COG6: variants seen among roughly 807,000 people sequenced by gnomAD.
COG6 encodes conserved oligomeric Golgi complex subunit 6.
Under a neutral mutation model 88.8 loss-of-function variants are expected in COG6, and 74 were observed. The observed-to-expected ratio is 0.83, with a 90% CI of 0.69 to 1.01. COG6 has a LOEUF of 1.01. Among genes scored for constraint, COG6 ranks in the 50% least tolerant of loss-of-function variants. The probability of loss-of-function intolerance (pLI) is 0.00; values close to 1 mark genes in which losing one functional copy is unlikely to be tolerated. For missense variants in COG6, 800 were observed against 797.9 expected, an observed-to-expected ratio of 1.00 and a Z score of -0.03; for synonymous variants, 286 against 278.7, an observed-to-expected ratio of 1.03 and a Z score of -0.26.
At chr13:39,781,026 C>T (rs1881611768) in intron 18 of COG6, among the ~76,000 whole-genome samples, 1 of 152,126 alleles carries the variant, frequency 6.6e-6, no homozygotes, top group African/African-American at 2.4e-5. Context: ...GTTATATCAA[C>T]GGTTCTGAAT....
chr13:39,655,769 G>A lies in COG6; in HGVS notation c.43G>A (p.Gly15Arg). 1.3e-6 allele frequency: 2 copies of A among 1,593,994 alleles called. No individual in the cohort carries two copies. Among genetic ancestry groups the A allele is most frequent in the South Asian group, 2.3e-5 (2 of 88,502 alleles). The change falls in exon 1 of 19, where the codon GGG (glycine) becomes AGG (arginine). Residue 15 changes from glycine (G) to arginine (R), a missense_variant. Gly to Arg is a moderately radical substitution (Grantham distance 125, BLOSUM62 -2). Coordinates refer to ENST00000455146, the MANE Select transcript of COG6 (RefSeq NM_020751.3). ...SGEVVAVSAT[G>R]AANGLNNGAG... Reference sequence around the variant, plus strand: ...GGAAGTGGTCGCAGTGTCTGCGACCGGGGCTGCCAACGGCCTCAACAATGG... The same window carrying A: ...GGAAGTGGTCGCAGTGTCTGCGACCAGGGCTGCCAACGGCCTCAACAATGG...
Position 39,742,363 on chromosome 13 carries a change from CACAT to C in COG6, c.1827-8582_1827-8579del. 3.3e-5 allele frequency among the ~76,000 whole-genome samples: 5 copies of C among 152,258 alleles called. 1 individual carries two copies. In the South Asian group the frequency reaches 1.0e-3, roughly 32 times the overall value. ...TGTGCTGTATTCAGGAGACCCATCT[CACAT>C]GCAGAGACACACATAGGCTCAAAAT... On this transcript the variant is annotated intron_variant, in intron 18 of 18. Transcript: ENST00000455146.
At chr13:39,785,595 T>G (rs1881748926) in intron 18 of COG6, 1 of 152,194 alleles carries the variant, frequency 6.6e-6, no homozygotes, top group African/African-American at 2.4e-5. Flanking sequence ...ATTCATCCTT[T>G]AAATTGTTAA....
chr13:39,754,449 T>G (rs1218276877), downstream of COG6, among the ~76,000 whole-genome samples: 1 of 152,182 alleles, frequency 6.6e-6, no homozygotes, highest in Non-Finnish European at 1.5e-5. Flanking sequence ...TAATACAATT[T>G]AAGATTATGG....
chr13:39,741,464 C>T lies in COG6; in HGVS notation c.1827-9482C>T, dbSNP rs911860219. 3.3e-5 allele frequency among the ~76,000 whole-genome samples: 5 copies of T among 152,118 alleles called. No individual in the cohort carries two copies. The East Asian group carries it at 9.7e-4, about 29-fold the overall frequency. On this transcript the variant is annotated intron_variant, in intron 18 of 18. Transcript: ENST00000455146. ...GCACGAGAACTATGTGACGCATGCA[C>T]AAGCTTCAATAGTCGATTTGATCAA...
chr13:39,691,311 T>C (rs1387459536), intron 11 of COG6, among the ~76,000 whole-genome samples: 1 of 151,962 alleles, frequency 6.6e-6, no homozygotes, highest in Non-Finnish European at 1.5e-5. Flanking sequence ...TGCCTTTGTT[T>C]TAAAATGTAC....
At chr13:39,748,239 G>A (rs1177969833) in intron 18 of COG6, among the ~76,000 whole-genome samples, 1 of 152,118 alleles carries the variant, frequency 6.6e-6, no homozygotes, top group African/African-American at 2.4e-5. Flanking sequence ...AGTTTTTAAT[G>A]AAAAATAATT....
At chr13:39,771,747 A>C (rs1247611809) in intron 18 of COG6, among the ~76,000 whole-genome samples, 1 of 152,246 alleles carries the variant, frequency 6.6e-6, no homozygotes. Context: ...ACTGAAAAGC[A>C]CATATGATCT....
chr13:39,777,874 T>A (rs1881511322), intron 18 of COG6, among the ~76,000 whole-genome samples: 1 of 152,170 alleles, frequency 6.6e-6, no homozygotes. Flanking sequence ...AGTCTAACAG[T>A]TTCTGGGAAG....
chr13:39,695,152 A>G (rs1315401583), intron 12 of COG6, among the ~76,000 whole-genome samples: 4 of 151,706 alleles, frequency 2.6e-5, no homozygotes, highest in Non-Finnish European at 5.9e-5. Flanking sequence ...CCATGTACTC[A>G]CAATAGGGCA....
At chr13:39,760,153 G>A (rs1390531189) in intron 18 of COG6, among the ~76,000 whole-genome samples, 1 of 152,088 alleles carries the variant, frequency 6.6e-6, no homozygotes, top group African/African-American at 2.4e-5. Context: ...ATCAAAAATT[G>A]GTCTCCTGTT....
chr13:39,738,331 G>T (rs990368416), intron 18 of COG6, among the ~76,000 whole-genome samples: 6 of 152,096 alleles, frequency 3.9e-5, no homozygotes, highest in African/African-American at 1.4e-4. Context: ...AATATTGTAA[G>T]GATATTAAGT....
downstream of COG6, among the ~76,000 whole-genome samples, chr13:39,754,164 C>A (rs1198925925): frequency 6.6e-6 from 1 of 152,092 alleles, no homozygotes; most frequent in Non-Finnish European, 1.5e-5. Context: ...GCTCTTTTGC[C>A]TCTATATGAT....
intron 13 of COG6, among the ~76,000 whole-genome samples, chr13:39,714,344 A>G (rs1878407167): frequency 6.6e-6 from 1 of 152,174 alleles, no homozygotes; most frequent in Non-Finnish European, 1.5e-5. Flanking sequence ...GGAAACACAC[A>G]ACCCACAGAG....
chr13:39,714,776 A>G (rs976407180), intron 13 of COG6, among the ~76,000 whole-genome samples: 4 of 152,226 alleles, frequency 2.6e-5, no homozygotes, highest in Non-Finnish European at 5.9e-5. Flanking sequence ...GTATCTACCC[A>G]AAGGAATAGT....
chr13:39,705,982 T>C (rs1187405003), intron 13 of COG6, among the ~76,000 whole-genome samples: 2 of 151,948 alleles, frequency 1.3e-5, no homozygotes, highest in Non-Finnish European at 1.5e-5. Context: ...ATTTTTTTTA[T>C]CTGAAATGCT....
rs1030941850 is a variant in COG6, at chr13:39,704,113, A to T, written c.1284+4495A>T. Among the ~76,000 whole-genome samples the T allele has an allele frequency of 8.5e-5, 13 of 152,240 alleles. No homozygotes were observed. The East Asian group carries it at 1.3e-3, about 16-fold the overall frequency. ...GTTCAGACTGAAAACTTAGTATCTT[A>T]TTCTTTCCCAAGTGGTTATCCATTT... On this transcript the variant is annotated intron_variant, in intron 13 of 18. Transcript: ENST00000455146.
chr13:39,790,868 A>G (rs1387941055), exon 19 of COG6: 1 of 151,862 alleles, frequency 6.6e-6, no homozygotes, highest in South Asian at 2.1e-4. Flanking sequence ...ATGACTATGA[A>G]TTTTTTCTCA....
chr13:39,749,275 T>G (rs1880501264), intron 18 of COG6, among the ~76,000 whole-genome samples: 1 of 152,222 alleles, frequency 6.6e-6, no homozygotes, highest in Non-Finnish European at 1.5e-5. Flanking sequence ...TGAACATGTA[T>G]TTATTGAGCA....
Sources: allele counts gnomAD v4.1 joint callset (sites outside exome capture counted in the v4.1 genomes callset), GRCh38; gene constraint gnomAD v4.1.1; transcripts MANE v1.5; gene names NCBI Gene and HGNC (gene_info 2026-07-23, HGNC 2026-07-21).